Variants in AIG1 observed in about 807,000 individuals in gnomAD.
AIG1 encodes the protein androgen induced 1.
Under a neutral mutation model 31.4 loss-of-function variants are expected in AIG1, and 23 were observed. The observed-to-expected ratio is 0.73, with a 90% CI of 0.53 to 1.04. The LOEUF is 1.04. Among genes scored for constraint, AIG1 ranks in the 50% least tolerant of loss-of-function variants. The pLI is 0.00. For missense variants in AIG1, 274 were observed against 295.0 expected (o/e 0.93, Z 0.52); for synonymous variants, 100 against 110.5 (o/e 0.90, Z 0.60).
At chr6:143,108,282 C>A (rs547908719) in intron 1 of AIG1, among the ~76,000 whole-genome samples, 10 of 152,134 alleles carry the variant, frequency 6.6e-5, no homozygotes, top group Non-Finnish European at 1.2e-4. Flanking sequence ...GAAAATTTTT[C>A]TTTAAGATTT....
chr6:143,142,694 CTGTT>C (rs1784343597), intron 2 of AIG1, among the ~76,000 whole-genome samples: 1 of 152,140 alleles, frequency 6.6e-6, no homozygotes. Flanking sequence ...AGACTCAAAG[CTGTT>C]TGTTAAGTAA....
At chr6:143,217,662 C>T (rs936923620) in intron 3 of AIG1, among the ~76,000 whole-genome samples, 1 of 152,122 alleles carries the variant, frequency 6.6e-6, no homozygotes, top group Non-Finnish European at 1.5e-5. Context: ...GCACCTGCCA[C>T]CACACCTGGC....
intron 3 of AIG1, among the ~76,000 whole-genome samples, chr6:143,194,751 G>A (rs897683495): frequency 1.3e-5 from 2 of 152,158 alleles, no homozygotes; most frequent in Non-Finnish European, 2.9e-5. Flanking sequence ...CGTCACGGCA[G>A]GTGGCCCCCA....
intron 2 of AIG1, 54 bp from the exon 3 acceptor site, chr6:143,165,028 G>A (rs1786788424): frequency 7.5e-7 from 1 of 1,328,450 alleles, no homozygotes; most frequent in Non-Finnish European, 1.1e-6. Context: ...CCAATAAATT[G>A]TATGTTGTGG....
chr6:143,092,748 C>T (rs1353446678), intron 1 of AIG1, among the ~76,000 whole-genome samples: 3 of 152,192 alleles, frequency 2.0e-5, no homozygotes, highest in Admixed American at 2.0e-4. Context: ...GTAAGCCTGT[C>T]CATCAAAGCT....
At chr6:143,244,311 T>A (rs2128641983) in intron 3 of AIG1, among the ~76,000 whole-genome samples, 1 of 152,214 alleles carries the variant, frequency 6.6e-6, no homozygotes. Context: ...ACTTTGCAGG[T>A]GCTTCCCCAG....
chr6:143,119,091 C>T (rs543567845), intron 1 of AIG1, among the ~76,000 whole-genome samples: 1 of 152,180 alleles, frequency 6.6e-6, no homozygotes, highest in East Asian at 1.9e-4. Context: ...CCAGGCTGGT[C>T]TCGAACTTCT....
At chr6:143,240,659 A>T (rs1794171889) in intron 3 of AIG1, among the ~76,000 whole-genome samples, 1 of 152,158 alleles carries the variant, frequency 6.6e-6, no homozygotes, top group South Asian at 2.1e-4. Context: ...GGGGTTTTTG[A>T]TTTTTAAAAA....
chr6:143,244,582 A>G (rs986088440), intron 3 of AIG1, among the ~76,000 whole-genome samples: 7 of 152,192 alleles, frequency 4.6e-5, no homozygotes, highest in Admixed American at 2.6e-4. Context: ...AATGCACTAT[A>G]TACTTGTAGC....
chr6:143,159,222 GAACA>G (rs1236799256), intron 2 of AIG1, among the ~76,000 whole-genome samples: 2 of 152,210 alleles, frequency 1.3e-5, no homozygotes, highest in African/African-American at 2.4e-5. Context: ...TAATTTTCAG[GAACA>G]AACAAATTAC....
In AIG1 at chr6:143,136,915, G is replaced by T. The variant is rs779304213; in HGVS notation, c.222G>T (p.Glu74Asp). 6.5e-7 allele frequency: 1 copy of T among 1,535,602 alleles called. No homozygotes were observed. Among genetic ancestry groups the T allele is most frequent in the South Asian group, 1.2e-5 (1 of 80,296 alleles). The change falls in exon 2 of 6, where the codon GAG becomes GAT. Residue 74 changes from glutamate to aspartate, a missense_variant. This residue lies in a region of AIG1 where 243 missense variants were observed against 238.5 expected (regional missense o/e 1.02). Transcript: ENST00000357847. ...TGACTCGAGGAAGTGGGAACCAGGA[G>T]CAAGAGAGGCAGCTCAAGAAGCTCA... ...SLLTRGSGNQ[E>D]QERQLKKLIS... is the part of the protein sequence containing the mutation.
chr6:143,236,662 C>A (rs748093728), intron 3 of AIG1, among the ~76,000 whole-genome samples: 1 of 152,210 alleles, frequency 6.6e-6, no homozygotes, highest in African/African-American at 2.4e-5. Flanking sequence ...AGGCTCCAGT[C>A]CTTTGTGTCA....
intron 3 of AIG1, among the ~76,000 whole-genome samples, chr6:143,169,555 TAGC>T (rs1050241409): frequency 2.0e-5 from 3 of 152,164 alleles, no homozygotes; most frequent in Admixed American, 1.3e-4. Context: ...TCCTCCTATC[TAGC>T]TATAATTGTG....
chr6:143,328,396 G>A lies in AIG1; in HGVS notation c.516-4886G>A, dbSNP rs1211591337. ...TATTCATCAGCTATGAAAAACATTG[G>A]TTTGAAAGAAAGTTAAATACACAAG... On this transcript the variant is annotated intron_variant, in intron 4 of 5. Transcript: ENST00000357847. This position sits in a 1 kb window ranked among gnomAD's most constrained non-coding sequence, Gnocchi z 4.0. Among the ~76,000 whole-genome samples the A allele has an allele frequency of 6.6e-6, 1 of 152,126 alleles. No individual in the cohort carries two copies. The highest frequency in any genetic ancestry group is 2.4e-5 in the African/African-American group (1 of 41,424).
intron 1 of AIG1, among the ~76,000 whole-genome samples, chr6:143,107,767 T>C (rs1272406968): frequency 1.3e-5 from 2 of 152,212 alleles, no homozygotes; most frequent in Non-Finnish European, 2.9e-5. Flanking sequence ...AAGTCATTTC[T>C]GAAAGCTTAG....
rs1777068564 is a variant in AIG1 at position 143,331,518 on chromosome 6, G to A, written c.516-1764G>A. 6.6e-6 allele frequency among the ~76,000 whole-genome samples: 1 copy of A among 152,074 alleles called. No individual in the cohort carries two copies. The stretch of plus-strand genomic sequence containing the variant: ...AATGTTTTCAAGGTCCATCCATGTT[G>A]TAGCATGTATCAACATTTTACTCCT... On this transcript the variant is annotated intron_variant, in intron 4 of 5. Coordinates refer to ENST00000357847, the MANE Select transcript of AIG1 (RefSeq NM_016108.4). This position sits in a 1 kb window ranked among gnomAD's most constrained non-coding sequence, Gnocchi z 4.1.
chr6:143,153,520 T>C (rs1246600389), intron 2 of AIG1, among the ~76,000 whole-genome samples: 1 of 152,090 alleles, frequency 6.6e-6, no homozygotes, highest in African/African-American at 2.4e-5. Flanking sequence ...GCTAATTTTT[T>C]TGTATTTTAG....
intron 3 of AIG1, among the ~76,000 whole-genome samples, chr6:143,282,230 G>C (rs1797385389): frequency 6.6e-6 from 1 of 152,144 alleles, no homozygotes. Context: ...TAATATCAGT[G>C]ATCCAAAAGT....
chr6:143,201,846 A>G (rs1254912397), intron 3 of AIG1, among the ~76,000 whole-genome samples: 1 of 152,216 alleles, frequency 6.6e-6, no homozygotes, highest in East Asian at 1.9e-4. Context: ...GCCTGCTTCT[A>G]GTTCCACCTC....
Sources: gnomAD v4.1 joint callset for allele counts (sites outside exome capture counted in the v4.1 genomes callset) on GRCh38, gnomAD v4.1.1 for gene constraint, gnomAD v4.1.1 regional missense constraint, Gnocchi (gnomAD v3.1) non-coding constraint, MANE v1.5 for transcripts, NCBI Gene and HGNC (gene_info 2026-07-23, HGNC 2026-07-21) for gene names.